The following VIPR2 variants were observed in gnomAD, a reference collection of about 807,000 sequenced individuals.
VIPR2 encodes the protein vasoactive intestinal peptide receptor 2.
A neutral mutation model predicts 58.0 loss-of-function variants in VIPR2; 48 were observed. The observed-to-expected ratio is 0.83, with a 90% CI of 0.66 to 1.05. The LOEUF (loss-of-function observed/expected upper bound fraction) is 1.05, where lower values mean the gene tolerates loss of function less well. VIPR2 is among the 50% of genes least tolerant of loss of function. The probability of loss-of-function intolerance (pLI) is 0.00; values close to 1 mark genes in which losing one functional copy is unlikely to be tolerated. For missense variants in VIPR2, 534 were observed against 558.0 expected (o/e 0.96, Z 0.43); for synonymous variants, 243 against 235.2 (o/e 1.03, Z -0.30).
intron 2 of VIPR2, among the ~76,000 whole-genome samples, chr7:159,124,938 G>T (rs1029806766): frequency 6.6e-6 from 1 of 152,102 alleles, no homozygotes; most frequent in African/African-American, 2.4e-5. Flanking sequence ...TCCTAGTTTG[G>T]CTGTTGTTGG....
At chr7:159,112,694 TGG>T (rs1227075294) in intron 2 of VIPR2, among the ~76,000 whole-genome samples, 17 of 103,052 alleles carry the variant, frequency 1.6e-4, no homozygotes, top group African/African-American at 8.6e-4. Context: ...GGCGCCTACC[TGG>T]GACCGACCCT....
At position 159,031,964 on chromosome 7, in the gene VIPR2, A is replaced by C. The variant is rs1380270886; in HGVS notation, c.1075T>G (p.Phe359Val). The change falls in exon 11 of 13, where the codon TTT becomes GTT. Residue 359 changes from phenylalanine (F) to valine (V), a missense_variant. Phe to Val is a conservative substitution (Grantham distance 50). Around this residue, in one of 3 missense-constraint regions of VIPR2, gnomAD observed 306 missense variants for 285.8 expected, o/e 1.07. Transcript: ENST00000262178. The surrounding 1 kb of genome is among the most constrained non-coding windows in gnomAD (Gnocchi z 4.0). ...TGGAACGACCCGAGGCACAGCTCAA[A>C]CAGTATCTGGTATTTGGAGGAGATG... Reference protein sequence around the residue: ...ISISSKYQILFELCLGSFQGL... With the variant: ...ISISSKYQILVELCLGSFQGL... 5 of 1,614,012 alleles carry C rather than the reference A, an allele frequency of 3.1e-6. No individual in the cohort carries two copies. Among genetic ancestry groups the C allele is most frequent in the Non-Finnish European group, 4.2e-6 (5 of 1,180,024 alleles).
At chr7:159,090,562 C>T (rs1857430976) in intron 4 of VIPR2, among the ~76,000 whole-genome samples, 1 of 119,480 alleles carries the variant, frequency 8.4e-6, no homozygotes, top group African/African-American at 4.0e-5. Flanking sequence ...CGCACAGGGG[C>T]CACCTCTTGT....
At chr7:159,103,601 A>C (rs1450399683) in intron 4 of VIPR2, among the ~76,000 whole-genome samples, 156 bp downstream of exon 4, 1 of 152,180 alleles carries the variant, frequency 6.6e-6, no homozygotes, top group Non-Finnish European at 1.5e-5. Flanking sequence ...GAACGGAAAC[A>C]GGGACTTCGC....
rs76455467 is a variant in VIPR2, at chr7:159,074,365, C to T, written c.358-15787G>A. On this transcript the variant is annotated intron_variant, in intron 4 of 12. Transcript: ENST00000262178. Reference sequence around the variant, plus strand: ...GAAAGACTCAGCTTGCTCAGGACGCCATTTCCTATGTTGAAACTTAACTTT... The same window carrying T: ...GAAAGACTCAGCTTGCTCAGGACGCTATTTCCTATGTTGAAACTTAACTTT... Among the ~76,000 whole-genome samples the T allele has an allele frequency of 1.2e-3, 182 of 152,298 alleles. 1 individual carries two copies. The highest frequency in any genetic ancestry group is 2.1e-3 in the Non-Finnish European group (146 of 68,038).
chr7:159,124,897 A>G (rs948992779), intron 2 of VIPR2, among the ~76,000 whole-genome samples: 3 of 152,058 alleles, frequency 2.0e-5, no homozygotes, highest in Admixed American at 6.6e-5. Flanking sequence ...TTTTGTGGCA[A>G]TTGTGAATGG....
chr7:159,131,960 G>A (rs926011331), intron 2 of VIPR2, among the ~76,000 whole-genome samples: 21 of 152,276 alleles, frequency 1.4e-4, no homozygotes, highest in East Asian at 9.6e-4. Flanking sequence ...TTTAATAATC[G>A]TATCAACGAG....
At position 159,097,387 on chromosome 7, in the gene VIPR2, C is replaced by T. The variant is rs1013250972; in HGVS notation, c.357+6370G>A. Among the ~76,000 whole-genome samples, 5 of 152,180 alleles carry T rather than the reference C, an allele frequency of 3.3e-5. No individual in the cohort carries two copies. Among genetic ancestry groups the T allele is most frequent in the African/African-American group, 9.6e-5 (4 of 41,452 alleles). ...GCTCTTTATGTAAGAACGGAGTTAA[C>T]CAGTATGTAACACAGAAGACTTACG... On this transcript the variant is annotated intron_variant, in intron 4 of 12. Transcript: ENST00000262178. This position sits in a 1 kb window ranked among gnomAD's most constrained non-coding sequence, Gnocchi z 5.3.
intron 3 of VIPR2, among the ~76,000 whole-genome samples, chr7:159,106,816 CCGGGG>C: frequency 7.2e-6 from 1 of 138,844 alleles, no homozygotes. Flanking sequence ...CAGAGAGAGG[CCGGGG>C]AGATGCAGAG....
At chr7:159,140,898 G>T (rs1797439042) in intron 2 of VIPR2, among the ~76,000 whole-genome samples, 1 of 152,166 alleles carries the variant, frequency 6.6e-6, no homozygotes, top group African/African-American at 2.4e-5. Flanking sequence ...CAGCTACCGT[G>T]CAGAGAGCCA....
At position 159,096,282 on chromosome 7, in the gene VIPR2, C is replaced by T. The variant is rs535515091; in HGVS notation, c.357+7475G>A. Among the ~76,000 whole-genome samples the T allele has an allele frequency of 6.6e-6, 1 of 152,336 alleles. No homozygotes were observed. Among genetic ancestry groups the T allele is most frequent in the South Asian group, 2.1e-4 (1 of 4,822 alleles). On this transcript the variant is annotated intron_variant, in intron 4 of 12. Coordinates refer to ENST00000262178, the MANE Select transcript of VIPR2 (RefSeq NM_003382.5). This position sits in a 1 kb window ranked among gnomAD's most constrained non-coding sequence, Gnocchi z 5.5. ...ACTCCTTCATGCAGAGCCTGGTGTGCAGACCCTGCTGCCTTGGATGGTCCA... is the reference window on the plus strand; with the variant it reads ...ACTCCTTCATGCAGAGCCTGGTGTGTAGACCCTGCTGCCTTGGATGGTCCA...
Position 159,093,735 on chromosome 7 carries a change from C to A in VIPR2, c.357+10022G>T, listed in dbSNP as rs930339887. Reference sequence around the variant, plus strand: ...CGTCCCTGGGTCCGGACATGGGAGACCCCGCAGCGTCCCTGGGTCCGGAGA... The same window carrying A: ...CGTCCCTGGGTCCGGACATGGGAGAACCCGCAGCGTCCCTGGGTCCGGAGA... On this transcript the variant is annotated intron_variant, in intron 4 of 12. Coordinates refer to ENST00000262178, the MANE Select transcript of VIPR2 (RefSeq NM_003382.5). This position sits in a 1 kb window ranked among gnomAD's most constrained non-coding sequence, Gnocchi z 6.7. Among the ~76,000 whole-genome samples, 4 of 148,264 alleles carry A rather than the reference C, an allele frequency of 2.7e-5. No individual in the cohort carries two copies. The highest frequency in any genetic ancestry group is 6.7e-5 in the Admixed American group (1 of 14,882).
At chr7:159,039,844 G>A (rs372785654) in intron 6 of VIPR2, among the ~76,000 whole-genome samples, 17 of 152,296 alleles carry the variant, frequency 1.1e-4, no homozygotes, top group Non-Finnish European at 2.2e-4. Context: ...CCATAAAGAC[G>A]CATGTCCGGT....
Position 159,031,309 on chromosome 7 carries a change from C to T in VIPR2, c.1143+519G>A, listed in dbSNP as rs1002026675. On this transcript the variant is annotated intron_variant, in intron 12 of 12. Transcript: ENST00000262178. The surrounding 1 kb of genome is among the most constrained non-coding windows in gnomAD (Gnocchi z 4.0). The stretch of plus-strand genomic sequence containing the variant: ...GTCAAGCAAAGAAAGCGCCAGCAAC[C>T]GCAGCGTGGGGCGGGAGGGTCAGGG... Among the ~76,000 whole-genome samples, 2 of 151,412 alleles carry T rather than the reference C, an allele frequency of 1.3e-5. No individual in the cohort carries two copies. The highest frequency in any genetic ancestry group is 2.1e-4 in the South Asian group (1 of 4,774).
At chr7:159,106,927 G>GCAGAGAGATCAGGGAGGTA (rs1266411269) in intron 3 of VIPR2, among the ~76,000 whole-genome samples, 2 of 148,288 alleles carry the variant, frequency 1.3e-5, no homozygotes, top group Admixed American at 6.8e-5. Context: ...CCAGGGAGGT[G>GCAGAGAGATCAGGGAGGTA]CAGAGAGATC....
chr7:159,118,664 G>GTC (rs1222791451), intron 2 of VIPR2, among the ~76,000 whole-genome samples: 1 of 152,244 alleles, frequency 6.6e-6, no homozygotes, highest in Non-Finnish European at 1.5e-5. Context: ...GCATGATCAG[G>GTC]TCCAAGTTCT....
intron 4 of VIPR2, among the ~76,000 whole-genome samples, chr7:159,062,607 G>A (rs981686517): frequency 1.4e-4 from 21 of 152,090 alleles, no homozygotes; most frequent in Admixed American, 1.2e-3. Context: ...GAGTGAAGCC[G>A]CAGACATTCC....
intron 1 of VIPR2, chr7:159,144,286 A>T: frequency 7.2e-7 from 1 of 1,381,804 alleles, no homozygotes. Context: ...TCCCCCCGAC[A>T]CTAAAACTAA....
At chr7:159,043,946 A>G (rs984785246) in intron 5 of VIPR2, among the ~76,000 whole-genome samples, 29 of 152,228 alleles carry the variant, frequency 1.9e-4, no homozygotes, top group African/African-American at 6.5e-4. Flanking sequence ...GGCTTCAAGA[A>G]GCTCTCACAT....
Sources: allele counts gnomAD v4.1 joint callset (sites outside exome capture counted in the v4.1 genomes callset), GRCh38; gene constraint gnomAD v4.1.1; regional missense constraint gnomAD v4.1.1; non-coding constraint Gnocchi (gnomAD v3.1); transcripts MANE v1.5; gene names NCBI Gene and HGNC (gene_info 2026-07-23, HGNC 2026-07-21).